IPP: variants seen among roughly 807,000 people sequenced by gnomAD.
IPP encodes the protein actin-binding protein IPP.
In IPP, 41 loss-of-function variants were observed where a neutral mutation model predicts 64.1. That is an observed-to-expected ratio of 0.64 (90% confidence interval 0.50 to 0.83). The LOEUF is 0.83. IPP is among the 40% of genes least tolerant of loss of function. The pLI, the probability that IPP is intolerant of heterozygous loss-of-function variation, is 0.00. For missense variants in IPP, 649 were observed against 703.0 expected (o/e 0.92, Z 0.87); for synonymous variants, 214 against 235.2 (o/e 0.91, Z 0.83).
At chr1:45,747,867 A>AAAC (rs1557764899) in intron 1 of IPP, among the ~76,000 whole-genome samples, 1 of 137,372 alleles carries the variant, frequency 7.3e-6, no homozygotes, top group Non-Finnish European at 1.5e-5. Flanking sequence ...AAAAAAAAAA[A>AAAC]CCATGAGATC....
At position 45,717,321 on chromosome 1, in the gene IPP, A is replaced by C. The variant is rs112760295; in HGVS notation, c.1187-304T>G. Among the ~76,000 whole-genome samples the C allele has an allele frequency of 8.8e-4, 134 of 152,074 alleles. 1 individual carries two copies. The highest frequency in any genetic ancestry group is 3.2e-3 in the African/African-American group (133 of 41,472). ...AAAACAACAAAAGCCCCAAAACTTC[A>C]ATATATTGCATGGAAAAGATGGTAT... is the stretch of plus-strand genomic sequence containing the variant. On this transcript the variant is annotated intron_variant, in intron 6 of 8. Coordinates refer to ENST00000396478, the MANE Select transcript of IPP (RefSeq NM_005897.3).
At chr1:45,738,310 CA>C (rs1241405412) in intron 3 of IPP, among the ~76,000 whole-genome samples, 30 of 138,048 alleles carry the variant, frequency 2.2e-4, no homozygotes, top group African/African-American at 7.5e-4. Context: ...TATTTAGTGT[CA>C]TTTTTTTTTT....
chr1:45,694,700 GT>G, downstream of IPP: 1 of 522,618 alleles, frequency 1.9e-6, no homozygotes, highest in East Asian at 3.2e-5. Context: ...ATGTTTTCCA[GT>G]TTTTATTAGG....
intron 4 of IPP, among the ~76,000 whole-genome samples, chr1:45,728,049 G>A (rs936684484): frequency 2.0e-5 from 3 of 151,712 alleles, no homozygotes; most frequent in African/African-American, 7.3e-5. Context: ...TCTAGGCACT[G>A]CTTATCTGTT....
chr1:45,750,248 C>G (rs1032993571), intron 1 of IPP, among the ~76,000 whole-genome samples: 1 of 152,200 alleles, frequency 6.6e-6, no homozygotes, highest in African/African-American at 2.4e-5. Context: ...GCCTAGAGAG[C>G]TAGCCCTAAA....
chr1:45,714,159 C>G, intron 8 of IPP, 87 bp downstream of exon 8: 1 of 962,914 alleles, frequency 1.0e-6, no homozygotes, highest in Non-Finnish European at 1.6e-6. Context: ...TGATCAATAT[C>G]ATGAGTGAAA....
At chr1:45,701,607 G>A (rs1451755736) in intron 8 of IPP, among the ~76,000 whole-genome samples, 1 of 152,156 alleles carries the variant, frequency 6.6e-6, no homozygotes, top group Non-Finnish European at 1.5e-5. Flanking sequence ...TCTTACTTGA[G>A]GGAAAACGTC....
At chr1:45,742,414 T>TA (rs1646079048) in intron 2 of IPP, among the ~76,000 whole-genome samples, 1 of 152,138 alleles carries the variant, frequency 6.6e-6, no homozygotes, top group South Asian at 2.1e-4. Context: ...CAACAACAAA[T>TA]AAAGTCTATG....
At chr1:45,747,164 A>G (rs28641748) in intron 1 of IPP, among the ~76,000 whole-genome samples, 43,275 of 151,858 alleles carry the variant, frequency 0.28, 6,310 homozygotes, top group South Asian at 0.37. Flanking sequence ...AGCCCTTTAA[A>G]GGCAGGTACT....
At chr1:45,695,653 A>G (rs1352302198), downstream of IPP, among the ~76,000 whole-genome samples, 1 of 151,678 alleles carries the variant, frequency 6.6e-6, no homozygotes, top group Non-Finnish European at 1.5e-5. Flanking sequence ...GATATAGATC[A>G]GGATATAGTA....
chr1:45,738,862 A>C (rs1437420672), intron 3 of IPP, among the ~76,000 whole-genome samples: 13 of 149,630 alleles, frequency 8.7e-5, no homozygotes, highest in South Asian at 2.1e-4. Context: ...AAAAAAAAAA[A>C]AAACAAGAAA....
downstream of IPP, chr1:45,698,668 A>G: frequency 1.0e-6 from 1 of 975,766 alleles, no homozygotes; most frequent in African/African-American, 1.8e-5. Flanking sequence ...AAAGCCAAAC[A>G]GATAATTTTG....
intron 4 of IPP, 63 bp downstream of exon 4, chr1:45,729,551 A>G (rs1183706305): frequency 1.5e-6 from 2 of 1,307,258 alleles, no homozygotes; most frequent in African/African-American, 3.0e-5. Context: ...ACAACAAAAT[A>G]TTAAAAAGGT....
chr1:45,719,882 C>T (rs1324209184), intron 5 of IPP, among the ~76,000 whole-genome samples: 11 of 151,718 alleles, frequency 7.3e-5, no homozygotes, highest in East Asian at 3.9e-4. Context: ...CCTGCCACCG[C>T]GCCCAGGTAA....
Position 45,699,383 on chromosome 1 carries a change from A to C in IPP, c.*583T>G. The C allele has an allele frequency of 3.0e-6, 3 of 985,182 alleles. No individual in the cohort carries two copies. The highest frequency in any genetic ancestry group is 3.6e-6 in the Non-Finnish European group (3 of 829,674). The allele number at this position is 985,182 out of a possible 1,614,324, so 61.0% of individuals were successfully genotyped here. On this transcript the variant is annotated 3_prime_UTR_variant, in exon 9 of 9. Coordinates refer to ENST00000396478, the MANE Select transcript of IPP (RefSeq NM_005897.3). ...TAATTGTGAATATAGAGGTCTTTAAACTGTGTCATTGACACTATTCCTATA... is the reference window on the plus strand; with the variant it reads ...TAATTGTGAATATAGAGGTCTTTAACCTGTGTCATTGACACTATTCCTATA...
chr1:45,725,261 G>A (rs1359948654), intron 5 of IPP, among the ~76,000 whole-genome samples: 2 of 138,382 alleles, frequency 1.4e-5, no homozygotes, highest in African/African-American at 5.3e-5. Flanking sequence ...GAGGTGAGGG[G>A]CGCCTCTGCC....
Position 45,713,560 on chromosome 1 carries a change from CA to C in IPP, c.1530+685del, listed in dbSNP as rs71062703. Among the ~76,000 whole-genome samples the C allele has an allele frequency of 3.7e-3, 542 of 148,090 alleles. 5 individuals are homozygous for C. The highest frequency in any genetic ancestry group is 0.012 in the African/African-American group (489 of 40,326). The stretch of plus-strand genomic sequence containing the variant: ...GGGCAACAAAAGAAAAACTCCGTCT[CA>C]AAAAAAAAAAATTACTCTTTTGAGA... On this transcript the variant is annotated intron_variant, in intron 8 of 8. Transcript: ENST00000396478.
chr1:45,742,901 C>A (rs1646085261), intron 2 of IPP, among the ~76,000 whole-genome samples: 1 of 151,960 alleles, frequency 6.6e-6, no homozygotes, highest in African/African-American at 2.4e-5. Context: ...ATACCACTTT[C>A]TTTTCCAAGG....
chr1:45,741,506 T>C (rs1197195610), intron 2 of IPP, among the ~76,000 whole-genome samples, 174 bp from the exon 3 acceptor site: 1 of 152,130 alleles, frequency 6.6e-6, no homozygotes, highest in East Asian at 1.9e-4. Flanking sequence ...ACGATAACGA[T>C]ACCTAACACA....
Sources: gnomAD v4.1 joint callset for allele counts (sites outside exome capture counted in the v4.1 genomes callset) on GRCh38, gnomAD v4.1.1 for gene constraint, MANE v1.5 for transcripts, NCBI Gene and HGNC (gene_info 2026-07-23, HGNC 2026-07-21) for gene names.